The following AK8 variants were observed in gnomAD, a reference collection of about 807,000 sequenced individuals.
AK8 encodes the protein ATP-AMP transphosphorylase 8.
In AK8, 44 loss-of-function variants were observed where a neutral mutation model predicts 54.6. The observed-to-expected ratio is 0.81, with a 90% confidence interval of 0.63 to 1.04. AK8 has a LOEUF of 1.04. Ranked by LOEUF, AK8 falls within the 50% of genes least tolerant of loss-of-function variation. The pLI is 0.00. For synonymous variants in AK8, 239 were observed against 245.6 expected, an observed-to-expected ratio of 0.97 and a Z score of 0.25; for missense variants, 555 against 613.6, an observed-to-expected ratio of 0.90 and a Z score of 1.01.
chr9:132,739,747 A>G (rs1370166258), intron 11 of AK8, among the ~76,000 whole-genome samples: 1 of 152,220 alleles, frequency 6.6e-6, no homozygotes, highest in Non-Finnish European at 1.5e-5. Context: ...TTAAAATAAA[A>G]TAAAAAGTCA....
At chr9:132,821,496 G>C (rs1270275463) in intron 9 of AK8, among the ~76,000 whole-genome samples, 6 of 151,998 alleles carry the variant, frequency 3.9e-5, no homozygotes, top group Admixed American at 3.9e-4. Flanking sequence ...TAAATGTCCT[G>C]ATTAATTTTC....
At chr9:132,762,982 G>A (rs538921164) in intron 11 of AK8, among the ~76,000 whole-genome samples, 6 of 152,208 alleles carry the variant, frequency 3.9e-5, no homozygotes, top group Non-Finnish European at 8.8e-5. Flanking sequence ...TTCCTACAGC[G>A]AAAAGGTAGA....
rs1290673287 is a variant in AK8 at position 132,725,727 on chromosome 9, C to A, written c.1401G>T (p.Glu467Asp). 2 of 1,586,524 alleles carry A rather than the reference C, an allele frequency of 1.3e-6. No homozygotes were observed. The highest frequency in any genetic ancestry group is 2.3e-5 in the South Asian group (2 of 86,814). ...QDPYTVFEYI[E>D]SGIINPLPKK... ...TGGGCAGGGGATTAATGATCCCACT[C>A]TCGATGTATTCGAAGACTGTGTATG... The change falls in exon 13 of 13, where the codon GAG becomes GAT. Residue 467 changes from glutamate to aspartate, a missense_variant. By Grantham distance (45) the Glu-to-Asp change is conservative. Transcript: ENST00000298545.
In AK8 at chr9:132,854,705, T is replaced by C. The variant is rs1355324608; in HGVS notation, c.402+152A>G. 3.9e-6 allele frequency: 3 copies of C among 774,068 alleles called. No homozygotes were observed. In the African/African-American group the frequency reaches 5.2e-5, roughly 13 times the overall value. 47.9% of individuals were successfully genotyped at this position (774,068 alleles called of 1,614,324 possible). ...TCCTTTTCCTTTGACAAAAGCAAAATCCATGTCTGTAGACTGACCTTCACG... is the reference window on the plus strand; with the variant it reads ...TCCTTTTCCTTTGACAAAAGCAAAACCCATGTCTGTAGACTGACCTTCACG... On this transcript the variant is annotated intron_variant, in intron 5 of 12. Transcript: ENST00000298545.
chr9:132,870,365 A>C (rs1843763844), intron 2 of AK8, among the ~76,000 whole-genome samples: 2 of 152,224 alleles, frequency 1.3e-5, no homozygotes, highest in Admixed American at 1.3e-4. Flanking sequence ...AAGAGTAATC[A>C]ACTTCTTCCA....
Position 132,770,674 on chromosome 9 carries a change from C to T in AK8, c.1121+21960G>A, listed in dbSNP as rs1032384449. Among the ~76,000 whole-genome samples the T allele has an allele frequency of 3.9e-5, 6 of 152,290 alleles. No individual in the cohort carries two copies. In the East Asian group the frequency reaches 9.7e-4, roughly 25 times the overall value. ...CAGCGGGCTGGGCCGAGATCGAGAC[C>T]GGGACAAGGCAGGGAAGAGCGGGAT... On this transcript the variant is annotated intron_variant, in intron 11 of 12. Transcript: ENST00000298545. This position sits in a 1 kb window ranked among gnomAD's most constrained non-coding sequence, Gnocchi z 4.3.
At chr9:132,788,445 A>G (rs1255543878) in intron 11 of AK8, among the ~76,000 whole-genome samples, 1 of 152,242 alleles carries the variant, frequency 6.6e-6, no homozygotes, top group Non-Finnish European at 1.5e-5. Flanking sequence ...GTTGGGGTAG[A>G]TAATTAGCTG....
chr9:132,758,686 T>C (rs1369940346), intron 11 of AK8, among the ~76,000 whole-genome samples: 1 of 151,938 alleles, frequency 6.6e-6, no homozygotes, highest in Non-Finnish European at 1.5e-5. Context: ...CTCTAACTCC[T>C]GAGCTCAAGT....
rs559212798 is a variant in AK8 at position 132,775,327 on chromosome 9, C to T, written c.1121+17307G>A. On this transcript the variant is annotated intron_variant, in intron 11 of 12. Transcript: ENST00000298545. ...TATTTCCTTTTTTATTTTTTTGAGACGGAGTCTCACTATCACCCATGCTGG... is the reference window on the plus strand; with the variant it reads ...TATTTCCTTTTTTATTTTTTTGAGATGGAGTCTCACTATCACCCATGCTGG... Among the ~76,000 whole-genome samples the T allele has an allele frequency of 6.6e-5, 10 of 152,188 alleles. No homozygotes were observed. In the East Asian group the frequency reaches 7.7e-4, roughly 12 times the overall value.
At chr9:132,759,423 G>A (rs1320501555) in intron 11 of AK8, among the ~76,000 whole-genome samples, 1 of 152,116 alleles carries the variant, frequency 6.6e-6, no homozygotes, top group Non-Finnish European at 1.5e-5. Flanking sequence ...GCCTTTGGCT[G>A]AATAAAAGTT....
At chr9:132,743,625 C>A (rs1322381151) in intron 11 of AK8, among the ~76,000 whole-genome samples, 1 of 152,218 alleles carries the variant, frequency 6.6e-6, no homozygotes, top group Non-Finnish European at 1.5e-5. Context: ...TTCCATGAAT[C>A]CCTCTGTCTA....
At chr9:132,775,589 A>T (rs962363432) in intron 11 of AK8, among the ~76,000 whole-genome samples, 1 of 152,212 alleles carries the variant, frequency 6.6e-6, no homozygotes, top group African/African-American at 2.4e-5. Context: ...GATTACAGGC[A>T]TGAGCCACTG....
rs571166579 is a variant in AK8, at chr9:132,780,042, T to C, written c.1121+12592A>G. 2.0e-5 allele frequency among the ~76,000 whole-genome samples: 3 copies of C among 152,170 alleles called. No homozygotes were observed. The East Asian group carries it at 5.8e-4, about 29-fold the overall frequency. ...ATCATTATTACTCTTGTTGTCAAGA[T>C]AATGCTGATTATGAAGGAGGAGGGG... is the stretch of plus-strand genomic sequence containing the variant. On this transcript the variant is annotated intron_variant, in intron 11 of 12. Transcript: ENST00000298545.
intron 11 of AK8, among the ~76,000 whole-genome samples, chr9:132,746,755 A>G (rs1837672215): frequency 6.6e-6 from 1 of 152,188 alleles, no homozygotes; most frequent in African/African-American, 2.4e-5. Context: ...TCCAGGTGGA[A>G]AAGTTGCAGG....
intron 5 of AK8, among the ~76,000 whole-genome samples, chr9:132,845,779 A>C (rs1480357638): frequency 4.3e-5 from 2 of 46,464 alleles, no homozygotes; most frequent in Non-Finnish European, 1.3e-4. Context: ...ACTCCATCTC[A>C]AAAAAAAAAA....
chr9:132,746,317 C>T (rs566025799), intron 11 of AK8, among the ~76,000 whole-genome samples: 1 of 152,358 alleles, frequency 6.6e-6, no homozygotes, highest in East Asian at 1.9e-4. Context: ...ATGTATTTTA[C>T]TCCCACTTTT....
At chr9:132,873,623 C>T (rs1330835855) in intron 2 of AK8, among the ~76,000 whole-genome samples, 4 of 152,142 alleles carry the variant, frequency 2.6e-5, no homozygotes, top group Non-Finnish European at 5.9e-5. Flanking sequence ...TCCATTCTTT[C>T]TCTGGTGGCG....
intron 10 of AK8, among the ~76,000 whole-genome samples, chr9:132,802,695 T>C (rs215173): frequency 0.28 from 42,755 of 151,874 alleles, 6,131 homozygotes; most frequent in East Asian, 0.49. Flanking sequence ...AACCAAGGAA[T>C]CAAGCTGACG....
At chr9:132,822,921 C>G (rs182795199) in intron 9 of AK8, among the ~76,000 whole-genome samples, 9 of 152,102 alleles carry the variant, frequency 5.9e-5, no homozygotes, top group Non-Finnish European at 1.3e-4. Flanking sequence ...ACAAACCCCC[C>G]GCTCCAAAGG....
Sources: allele counts gnomAD v4.1 joint callset (sites outside exome capture counted in the v4.1 genomes callset), GRCh38; gene constraint gnomAD v4.1.1; non-coding constraint Gnocchi (gnomAD v3.1); transcripts MANE v1.5; gene names NCBI Gene and HGNC (gene_info 2026-07-23, HGNC 2026-07-21).